UNC13A: variants seen among roughly 807,000 people sequenced by gnomAD.
UNC13A encodes unc-13 homolog A.
Under a neutral mutation model 219.7 loss-of-function variants are expected in UNC13A, and 61 were observed. The observed-to-expected ratio is 0.28, with a 90% CI of 0.23 to 0.34. The LOEUF is 0.34. UNC13A is among the 10% of genes least tolerant of loss of function. The pLI, the probability that UNC13A is intolerant of heterozygous loss-of-function variation, is 1.00. For missense variants in UNC13A, 1,476 were observed against 2,270.3 expected, an observed-to-expected ratio of 0.65 and a Z score of 7.11; for synonymous variants, 920 against 884.6, an observed-to-expected ratio of 1.04 and a Z score of -0.71.
Position 17,605,946 on chromosome 19 carries a change from A to G in UNC13A, c.*108T>C. ...TAGGCGCAGCCCACCCTTGGCGTGG[A>G]GCCCCCCGAGCCCCGCCCCTGGGGA... On this transcript the variant is annotated 3_prime_UTR_variant, in exon 44 of 44. Coordinates refer to ENST00000519716, the MANE Select transcript of UNC13A (RefSeq NM_001080421.3). The G allele has an allele frequency of 1.9e-6, 2 of 1,048,208 alleles. No homozygotes were observed. The highest frequency in any genetic ancestry group is 2.5e-6 in the Non-Finnish European group (2 of 787,018). 64.9% of individuals were successfully genotyped at this position (1,048,208 alleles called of 1,614,324 possible).
intron 11 of UNC13A, among the ~76,000 whole-genome samples, chr19:17,653,160 C>T (rs892485922): frequency 2.6e-5 from 4 of 151,976 alleles, no homozygotes; most frequent in African/African-American, 9.7e-5. Flanking sequence ...ACAGGCAGCA[C>T]TCTTCTGTTC....
intron 33 of UNC13A, 89 bp from the exon 34 acceptor site, chr19:17,626,874 T>C: frequency 6.7e-7 from 1 of 1,484,688 alleles, no homozygotes; most frequent in Non-Finnish European, 9.0e-7. Flanking sequence ...GTCATATCAT[T>C]TGCATCACAG....
At position 17,661,104 on chromosome 19, in the gene UNC13A, C is replaced by CT. The variant is rs11287808; in HGVS notation, c.559+2427dup. Among the ~76,000 whole-genome samples the CT allele has an allele frequency of 2.0e-3, 276 of 135,376 alleles. 4 individuals are homozygous for CT. The highest frequency in any genetic ancestry group is 5.8e-3 in the East Asian group (27 of 4,678). 88.8% of individuals were successfully genotyped at this position (135,376 alleles called of 152,430 possible). On this transcript the variant is annotated intron_variant, in intron 8 of 43. Coordinates refer to ENST00000519716, the MANE Select transcript of UNC13A (RefSeq NM_001080421.3). ...CAGGGGCGTGCCACCACACCCGGCC[C>CT]TTTTTTTTTTTTTTTGTAGAGATGG...
At chr19:17,675,854 G>A (rs2079887822) in intron 2 of UNC13A, among the ~76,000 whole-genome samples, 158 bp downstream of exon 2, 1 of 152,014 alleles carries the variant, frequency 6.6e-6, no homozygotes, top group African/African-American at 2.4e-5. Context: ...CAGGCCAATG[G>A]CTGCCCCTCC....
chr19:17,680,425 G>A (rs867702838), intron 1 of UNC13A, among the ~76,000 whole-genome samples: 13 of 152,192 alleles, frequency 8.5e-5, no homozygotes. Context: ...GCGGACAGGG[G>A]GGCGGGGATG....
At chr19:17,633,611 A>G (rs1192147065) in intron 26 of UNC13A, among the ~76,000 whole-genome samples, 1 of 151,578 alleles carries the variant, frequency 6.6e-6, no homozygotes, top group Admixed American at 6.6e-5. Flanking sequence ...TCATGCAACT[A>G]TCTATCCCTC....
At position 17,621,911 on chromosome 19, in the gene UNC13A, G is replaced by A. The variant is rs369656459; in HGVS notation, c.4204-41C>T. ...CACAGGGTGATCAACCTGGCAAGTC[G>A]TGCAGGGTGGGAAGCTGGGATGCTC... On this transcript the variant is annotated intron_variant, in intron 36 of 43. Transcript: ENST00000519716. 8.1e-5 allele frequency: 131 copies of A among 1,608,934 alleles called. No homozygotes were observed. The Middle Eastern group carries it at 1.2e-3, about 14-fold the overall frequency.
intron 12 of UNC13A, among the ~76,000 whole-genome samples, chr19:17,650,824 T>C (rs2079330325): frequency 6.6e-6 from 1 of 151,904 alleles, no homozygotes; most frequent in South Asian, 2.1e-4. Context: ...TGGAGTGCAG[T>C]GGCACAATCA....
At chr19:17,664,001 G>A (rs1467829380) in intron 7 of UNC13A, among the ~76,000 whole-genome samples, 3 of 150,534 alleles carry the variant, frequency 2.0e-5, no homozygotes, top group Non-Finnish European at 4.4e-5. Flanking sequence ...GTTTTTTTGT[G>A]TGGAGATGGA....
chr19:17,620,768 G>C (rs1263810686), intron 37 of UNC13A, 46 bp from the exon 38 acceptor site: 1 of 1,608,000 alleles, frequency 6.2e-7, no homozygotes, highest in Admixed American at 1.7e-5. Context: ...TGACTGTTGG[G>C]AGGATACTCA....
chr19:17,661,504 G>T (rs1214124856), intron 8 of UNC13A, among the ~76,000 whole-genome samples: 2 of 152,112 alleles, frequency 1.3e-5, no homozygotes, highest in East Asian at 3.9e-4. Flanking sequence ...GACCAGCCTG[G>T]CCAACATGGT....
chr19:17,672,517 C>A, intron 3 of UNC13A, 22 bp from the exon 4 acceptor site: 1 of 1,604,522 alleles, frequency 6.2e-7, no homozygotes, highest in Non-Finnish European at 8.5e-7. Context: ...GGAGAGGGGG[C>A]GTCGAGGGAG....
chr19:17,659,651 C>T (rs1339695562), intron 8 of UNC13A, among the ~76,000 whole-genome samples: 1 of 151,854 alleles, frequency 6.6e-6, no homozygotes, highest in South Asian at 2.1e-4. Flanking sequence ...CGCCTGTAGT[C>T]CCAGCTATTC....
intron 37 of UNC13A, 90 bp from the exon 38 acceptor site, chr19:17,620,812 C>T (rs553375526): frequency 1.4e-6 from 2 of 1,472,216 alleles, no homozygotes; most frequent in Admixed American, 1.8e-5. Context: ...AGCACAGTCT[C>T]ACTTCCCAGC....
chr19:17,649,098 G>T lies in UNC13A; in HGVS notation c.1525-115C>A. 7.9e-7 allele frequency: 1 copy of T among 1,260,526 alleles called. No homozygotes were observed. The highest frequency in any genetic ancestry group is 1.1e-6 in the Non-Finnish European group (1 of 905,378). The allele number at this position is 1,260,526 out of a possible 1,614,324, so 78.1% of individuals were successfully genotyped here. A position where few individuals can be genotyped will look rare whatever the true frequency, so the allele number is the denominator to read the frequency against. ...CCACATTTTGGAGCCACAACCGCAA[G>T]TTGGAAACAGGTCACCGACAGCATC... is the stretch of plus-strand genomic sequence containing the variant. On this transcript the variant is annotated intron_variant, in intron 14 of 43. Transcript: ENST00000519716. This position sits in a 1 kb window ranked among gnomAD's most constrained non-coding sequence, Gnocchi z 4.4.
chr19:17,688,306 C>G lies in UNC13A; in HGVS notation c.-107G>C. On this transcript the variant is annotated 5_prime_UTR_variant, in exon 1 of 44. An upstream open reading frame in the 5' UTR loses its in-frame stop. Coordinates refer to ENST00000519716, the MANE Select transcript of UNC13A (RefSeq NM_001080421.3). ...TCCCGGCTGCAGCCCGCGCTTGGCT[C>G]ACGCCGGGGCCCGGCCGCCACCGGC... 1 of 1,337,988 alleles carries G rather than the reference C, an allele frequency of 7.5e-7. No homozygotes were observed. The highest frequency in any genetic ancestry group is 9.6e-7 in the Non-Finnish European group (1 of 1,044,418). 82.9% of individuals were successfully genotyped at this position (1,337,988 alleles called of 1,614,324 possible). A position where few individuals can be genotyped will look rare whatever the true frequency, so the allele number is the denominator to read the frequency against.
intron 22 of UNC13A, 34 bp downstream of exon 22, chr19:17,640,477 C>A: frequency 2.0e-6 from 3 of 1,537,024 alleles, no homozygotes; most frequent in South Asian, 1.2e-5. Flanking sequence ...GTTGGGCTCT[C>A]CCTAATTCTC....
chr19:17,609,124 ATTT>A (rs71162159), intron 43 of UNC13A, among the ~76,000 whole-genome samples: 5 of 128,362 alleles, frequency 3.9e-5, no homozygotes, highest in Non-Finnish European at 4.8e-5. Context: ...CACCCGGCTA[ATTT>A]TTTTTTTTTT....
chr19:17,644,749 C>G (rs1453001889), intron 19 of UNC13A, among the ~76,000 whole-genome samples: 1 of 151,706 alleles, frequency 6.6e-6, no homozygotes, highest in Non-Finnish European at 1.5e-5. Context: ...TGGAGTGCAG[C>G]AGTGTGATCA....
Sources: gnomAD v4.1 joint callset for allele counts (sites outside exome capture counted in the v4.1 genomes callset) on GRCh38, gnomAD v4.1.1 for gene constraint, Gnocchi (gnomAD v3.1) non-coding constraint, MANE v1.5 for transcripts, NCBI Gene and HGNC (gene_info 2026-07-23, HGNC 2026-07-21) for gene names.